MAGI2: variants seen among roughly 807,000 people sequenced by gnomAD.
The protein encoded by MAGI2 is membrane-associated guanylate kinase, WW and PDZ domain-containing protein 2.
In MAGI2, 35 loss-of-function variants were observed where a neutral mutation model predicts 133.3. That is an observed-to-expected ratio of 0.26 (90% CI 0.20 to 0.35). The LOEUF (loss-of-function observed/expected upper bound fraction) is 0.35, where lower values mean the gene tolerates loss of function less well. Among genes scored for constraint, MAGI2 ranks in the 10% least tolerant of loss-of-function variants. The pLI is 1.00. For missense variants in MAGI2, 1,636 were observed against 1,863.4 expected, an observed-to-expected ratio of 0.88 and a Z score of 2.25; for synonymous variants, 729 against 710.6, an observed-to-expected ratio of 1.03 and a Z score of -0.41.
rs145808228 is a variant in MAGI2, at chr7:79,326,761, A to T, written c.301+126259T>A. Among the ~76,000 whole-genome samples the T allele has an allele frequency of 5.9e-5, 9 of 152,190 alleles. No individual in the cohort carries two copies. The East Asian group carries it at 1.7e-3, about 30-fold the overall frequency. ...AAATCTCTCCTGACATCTTAGCACA[A>T]CCAATAATGAAATGGAGCAACTGAG... On this transcript the variant is annotated intron_variant, in intron 1 of 21. Coordinates refer to ENST00000354212, the MANE Select transcript of MAGI2 (RefSeq NM_012301.4).
chr7:78,131,057 C>T (rs1301320053), intron 18 of MAGI2, among the ~76,000 whole-genome samples: 1 of 152,164 alleles, frequency 6.6e-6, no homozygotes, highest in Non-Finnish European at 1.5e-5. Context: ...AATGTGGCTG[C>T]GAGATTAATC....
chr7:78,058,109 T>C (rs1002081184), intron 21 of MAGI2, among the ~76,000 whole-genome samples: 2 of 151,506 alleles, frequency 1.3e-5, no homozygotes, highest in African/African-American at 2.4e-5. Flanking sequence ...CCCAACTCCT[T>C]TTTTTGAAGG....
chr7:78,885,544 A>G (rs2151554648), intron 2 of MAGI2, among the ~76,000 whole-genome samples: 1 of 152,224 alleles, frequency 6.6e-6, no homozygotes, highest in Non-Finnish European at 1.5e-5. Context: ...GGAACTTTAC[A>G]AAGAGCACAG....
intron 1 of MAGI2, among the ~76,000 whole-genome samples, chr7:79,214,404 T>TCC (rs1393933301): frequency 2.6e-5 from 2 of 78,124 alleles, no homozygotes; most frequent in Non-Finnish European, 4.8e-5. Flanking sequence ...TCTCTCTCTC[T>TCC]CTCTATATAT....
chr7:78,894,796 G>A (rs566723158), intron 2 of MAGI2, among the ~76,000 whole-genome samples: 1 of 152,190 alleles, frequency 6.6e-6, no homozygotes, highest in African/African-American at 2.4e-5. Flanking sequence ...ACAATATTCT[G>A]GCTAATCCTC....
chr7:79,191,262 G>T (rs937857094), intron 1 of MAGI2, among the ~76,000 whole-genome samples: 1 of 151,524 alleles, frequency 6.6e-6, no homozygotes, highest in East Asian at 1.9e-4. Context: ...AGAATAATTT[G>T]AAAGAGTTTA....
chr7:78,522,354 A>T (rs1796576451), intron 3 of MAGI2, among the ~76,000 whole-genome samples: 2 of 152,180 alleles, frequency 1.3e-5, no homozygotes, highest in South Asian at 4.1e-4. Flanking sequence ...TAATCATGGA[A>T]TAAATGTTTA....
intron 1 of MAGI2, among the ~76,000 whole-genome samples, chr7:79,107,479 C>G (rs1053755644): frequency 6.6e-6 from 1 of 152,162 alleles, no homozygotes; most frequent in Non-Finnish European, 1.5e-5. Flanking sequence ...TTGTGACATT[C>G]TAAGCAAAAG....
chr7:78,953,193 A>C (rs1204156683), intron 2 of MAGI2, among the ~76,000 whole-genome samples: 3 of 152,120 alleles, frequency 2.0e-5, no homozygotes, highest in Non-Finnish European at 4.4e-5. Flanking sequence ...CATCTTCCCC[A>C]AAACCTGAGC....
intron 2 of MAGI2, among the ~76,000 whole-genome samples, chr7:78,925,008 T>C (rs190298724): frequency 5.3e-5 from 8 of 151,956 alleles, no homozygotes; most frequent in Non-Finnish European, 8.8e-5. Context: ...TTTTGACATG[T>C]GATTTGGCCA....
intron 2 of MAGI2, among the ~76,000 whole-genome samples, chr7:78,788,605 T>G (rs928236838): frequency 5.3e-5 from 8 of 151,874 alleles, no homozygotes; most frequent in African/African-American, 1.7e-4. Context: ...GCACTGAGTA[T>G]AATTTAGTTT....
chr7:79,072,065 G>A (rs998592927), intron 1 of MAGI2, among the ~76,000 whole-genome samples: 8 of 152,130 alleles, frequency 5.3e-5, no homozygotes, highest in Admixed American at 1.3e-4. Context: ...TACCCCTTGT[G>A]CTTCCAGGGT....
At chr7:78,838,713 A>C (rs188474609) in intron 2 of MAGI2, among the ~76,000 whole-genome samples, 23 of 152,192 alleles carry the variant, frequency 1.5e-4, no homozygotes, top group Non-Finnish European at 7.4e-5. Flanking sequence ...TTGGATATTA[A>C]TCCAGAAAGG....
At chr7:78,037,917 G>A (rs1165030555) in intron 21 of MAGI2, among the ~76,000 whole-genome samples, 1 of 152,206 alleles carries the variant, frequency 6.6e-6, no homozygotes, top group Admixed American at 6.5e-5. Context: ...CCTGGGCTGT[G>A]TGCACGTCTG....
At chr7:78,291,547 A>G (rs1318528860) in intron 9 of MAGI2, among the ~76,000 whole-genome samples, 1 of 152,172 alleles carries the variant, frequency 6.6e-6, no homozygotes, top group Non-Finnish European at 1.5e-5. Flanking sequence ...ATTCCAATCA[A>G]TAGAAAAAGA....
intron 9 of MAGI2, among the ~76,000 whole-genome samples, chr7:78,281,700 T>G (rs928165149): frequency 4.6e-4 from 70 of 152,192 alleles, no homozygotes; most frequent in African/African-American, 1.6e-3. Context: ...AATTCATTTG[T>G]GAACTCACTC....
chr7:78,229,490 T>A (rs1789736407), intron 10 of MAGI2, among the ~76,000 whole-genome samples: 1 of 152,198 alleles, frequency 6.6e-6, no homozygotes, highest in Admixed American at 6.5e-5. Context: ...AACCACATAC[T>A]GGGCTCTGTG....
intron 2 of MAGI2, among the ~76,000 whole-genome samples, chr7:78,784,992 G>C (rs960079242): frequency 6.6e-6 from 1 of 152,078 alleles, no homozygotes; most frequent in Non-Finnish European, 1.5e-5. Flanking sequence ...ATGGTGCCTG[G>C]CTAAGATTAA....
At chr7:79,171,398 A>G (rs1825528879) in intron 1 of MAGI2, among the ~76,000 whole-genome samples, 1 of 151,960 alleles carries the variant, frequency 6.6e-6, no homozygotes, top group Non-Finnish European at 1.5e-5. Flanking sequence ...ATCTTAAATA[A>G]TTATGTTTCC....
Sources: gnomAD v4.1 joint callset for allele counts (sites outside exome capture counted in the v4.1 genomes callset) on GRCh38, gnomAD v4.1.1 for gene constraint, MANE v1.5 for transcripts, NCBI Gene and HGNC (gene_info 2026-07-23, HGNC 2026-07-21) for gene names.